The following PAGE2B variants were observed in gnomAD, a reference collection of about 807,000 sequenced individuals.
PAGE2B encodes putative G antigen family E member 3.
In PAGE2B, 5 loss-of-function variants were observed where a neutral mutation model predicts 7.6. The observed-to-expected ratio is 0.66, with a 90% CI of 0.34 to 1.38. The LOEUF is 1.38. Ranked by LOEUF, PAGE2B falls within the 40% of genes most tolerant of loss-of-function variation. The pLI, the probability that PAGE2B is intolerant of heterozygous loss-of-function variation, is 0.04. For missense variants in PAGE2B, 70 were observed against 78.4 expected (o/e 0.89, Z 0.41); for synonymous variants, 29 against 26.7 (o/e 1.09, Z -0.27).
At chrX:55,043,199 T>C in the PAGE2B span, among the ~76,000 whole-genome samples, 1 of 111,847 alleles carries the variant, frequency 8.9e-6, no homozygotes, top group African/African-American at 3.2e-5. Flanking sequence ...CAACTCAAGA[T>C]AGGACTTAAA....
chrX:55,070,146 T>A (rs755978966), upstream of PAGE2B, among the ~76,000 whole-genome samples: 1 of 112,164 alleles, frequency 8.9e-6, no homozygotes, highest in East Asian at 2.8e-4. Context: ...TGATTTTAGA[T>A]GTTTCCTGCT....
chrX:55,051,755 C>T, the PAGE2B span, among the ~76,000 whole-genome samples: 1 of 111,452 alleles, frequency 9.0e-6, no homozygotes, highest in Admixed American at 9.6e-5. Context: ...TTTGTTCGAA[C>T]TTCCTCCTTT....
the PAGE2B span, among the ~76,000 whole-genome samples, chrX:55,042,015 C>T: frequency 5.4e-5 from 6 of 111,612 alleles, no homozygotes; most frequent in East Asian, 1.1e-3. Context: ...TGCCCACTTT[C>T]GCCACTTCTA....
the PAGE2B span, among the ~76,000 whole-genome samples, chrX:55,050,976 C>T: frequency 9.0e-6 from 1 of 111,442 alleles, no homozygotes; most frequent in African/African-American, 3.3e-5. Context: ...TTAGTGCTTC[C>T]TTCAGGAGCT....
At chrX:55,045,251 G>C in the PAGE2B span, 2 of 111,669 alleles carry the variant, frequency 1.8e-5, no homozygotes, top group African/African-American at 6.5e-5. Flanking sequence ...TCTCCTTTGG[G>C]TCATAAGGCT....
the PAGE2B span, among the ~76,000 whole-genome samples, chrX:55,068,078 A>G: frequency 8.9e-6 from 1 of 111,998 alleles, no homozygotes; most frequent in Non-Finnish European, 1.9e-5. Flanking sequence ...CCATTTGTCT[A>G]TTTTGGCTTT....
At chrX:55,077,343 C>T in intron 3 of PAGE2B, 56 bp from the exon 4 acceptor site, 1 of 1,197,618 alleles carries the variant, frequency 8.3e-7, no homozygotes, top group Non-Finnish European at 1.1e-6. Flanking sequence ...ATTATCATTT[C>T]CTTGTTCATA....
At chrX:55,056,750 G>A in the PAGE2B span, among the ~76,000 whole-genome samples, 1 of 111,483 alleles carries the variant, frequency 9.0e-6, no homozygotes, top group African/African-American at 3.3e-5. Flanking sequence ...ATGGATTCTA[G>A]AAGTAGTGCC....
the PAGE2B span, among the ~76,000 whole-genome samples, chrX:55,053,317 C>A: frequency 9.0e-6 from 1 of 111,467 alleles, no homozygotes; most frequent in African/African-American, 3.3e-5. Context: ...GGGCACTGAA[C>A]AATGAGAACA....
chrX:55,042,555 G>A, the PAGE2B span, among the ~76,000 whole-genome samples: 133 of 98,664 alleles, frequency 1.3e-3, 1 homozygote, highest in Non-Finnish European at 1.9e-3. Context: ...TTGGGAGGCT[G>A]AGGCAGGAGA....
chrX:55,074,085 G>A (rs1044915905), upstream of PAGE2B, among the ~76,000 whole-genome samples: 1 of 111,909 alleles, frequency 8.9e-6, no homozygotes, highest in Admixed American at 9.5e-5. Flanking sequence ...TGAATGTGAA[G>A]AACTAATATG....
chrX:55,062,373 A>G, the PAGE2B span, among the ~76,000 whole-genome samples: 11 of 111,727 alleles, frequency 9.8e-5, no homozygotes, highest in South Asian at 4.1e-3. Flanking sequence ...CTTTTCATAT[A>G]CCTGTTTGCT....
At chrX:55,061,386 C>T in the PAGE2B span, among the ~76,000 whole-genome samples, 1 of 110,766 alleles carries the variant, frequency 9.0e-6, no homozygotes, top group Admixed American at 9.7e-5. Flanking sequence ...TCAATCCTCA[C>T]CCTCCTCCTG....
the PAGE2B span, among the ~76,000 whole-genome samples, chrX:55,052,221 T>G: frequency 5.3e-5 from 6 of 112,193 alleles, no homozygotes; most frequent in Admixed American, 3.8e-4. Flanking sequence ...CTGCCCCTAC[T>G]GGGGGGTGCC....
chrX:55,046,441 GAGTT>G, the PAGE2B span, among the ~76,000 whole-genome samples: 1 of 111,796 alleles, frequency 8.9e-6, no homozygotes, highest in South Asian at 3.7e-4. Flanking sequence ...GGACAAGCAA[GAGTT>G]AGTAAGCTAG....
At chrX:55,073,013 T>A (rs1936465030), upstream of PAGE2B, among the ~76,000 whole-genome samples, 1 of 111,726 alleles carries the variant, frequency 9.0e-6, no homozygotes, top group South Asian at 3.7e-4. Flanking sequence ...TCCATAGGAC[T>A]GGGACCTGAT....
chrX:55,063,347 A>T, the PAGE2B span, among the ~76,000 whole-genome samples: 23 of 111,449 alleles, frequency 2.1e-4, no homozygotes, highest in Non-Finnish European at 3.6e-4. Context: ...ATTACTTTTT[A>T]AAATTTCTTT....
At chrX:55,064,868 G>C in the PAGE2B span, among the ~76,000 whole-genome samples, 3 of 111,574 alleles carry the variant, frequency 2.7e-5, no homozygotes, top group African/African-American at 9.8e-5. Context: ...CAAAGTTCCT[G>C]TTGCTATTGA....
rs1476127292 is a variant in PAGE2B at position 55,076,047 on chromosome X, T to G, written c.6T>G (p.Ser2Arg). The G allele has an allele frequency of 1.7e-6, 2 of 1,206,249 alleles. No individual in the cohort carries two copies. Among genetic ancestry groups the G allele is most frequent in the Non-Finnish European group, 1.1e-6 (1 of 891,939 alleles). The part of the protein sequence containing the change: M[S>R]EHVRTRSQSS... ...TTCTATTTTCAGTGGGAAATATGAG[T>G]GAGCATGTGAGAACAAGATCCCAAT... The change falls in exon 2 of 5, where the codon AGT becomes AGG. Residue 2 changes from serine (S) to arginine (R), a missense_variant. Coordinates refer to ENST00000374971, the MANE Select transcript of PAGE2B (RefSeq NM_001015038.3).
Sources: gnomAD v4.1 joint callset for allele counts (sites outside exome capture counted in the v4.1 genomes callset) on GRCh38, gnomAD v4.1.1 for gene constraint, MANE v1.5 for transcripts, NCBI Gene and HGNC (gene_info 2026-07-23, HGNC 2026-07-21) for gene names.